DUS4L: variants seen among roughly 807,000 people sequenced by gnomAD.
DUS4L encodes the protein tRNA-dihydrouridine(20a/20b) synthase [NAD(P)+]-like.
Under a neutral mutation model 33.8 loss-of-function variants are expected in DUS4L, and 31 were observed. The ratio of observed to expected loss-of-function variants is 0.92; its 90% CI spans 0.69 to 1.24. DUS4L has a LOEUF of 1.24. Among genes scored for constraint, DUS4L ranks in the 50% most tolerant of loss-of-function variants. The pLI is 0.00. For missense variants in DUS4L, 368 were observed against 388.6 expected (o/e 0.95, Z 0.45); for synonymous variants, 103 against 120.3 (o/e 0.86, Z 0.94).
rs1437848538 is a variant in DUS4L at position 107,577,194 on chromosome 7, A to G, written c.707-119A>G. The G allele has an allele frequency of 2.9e-6, 4 of 1,373,540 alleles. No homozygotes were observed. In the African/African-American group the frequency reaches 5.8e-5, roughly 20 times the overall value. The allele number at this position is 1,373,540 out of a possible 1,614,324, so 85.1% of individuals were successfully genotyped here. A position where few individuals can be genotyped will look rare whatever the true frequency, so the allele number is the denominator to read the frequency against. ...CGGATTAAACATATTAATGCAATAA[A>G]GACATTACAAAACCTTGTGATAATA... is the stretch of plus-strand genomic sequence containing the variant. On this transcript the variant is annotated intron_variant, in intron 7 of 7. Transcript: ENST00000265720.
At chr7:107,571,000 A>T in intron 3 of DUS4L, 145 bp from the exon 4 acceptor site, 1 of 1,043,978 alleles carries the variant, frequency 9.6e-7, no homozygotes, top group African/African-American at 1.6e-5. Flanking sequence ...CAAGGTTTTT[A>T]GTAATACTTA....
At chr7:107,571,547 C>G (rs1805234308) in intron 4 of DUS4L, among the ~76,000 whole-genome samples, 1 of 152,164 alleles carries the variant, frequency 6.6e-6, no homozygotes, top group Admixed American at 6.5e-5. Context: ...TCCAAACTAT[C>G]CTCCAAGGAG....
Position 107,576,060 on chromosome 7 carries a change from T to C in DUS4L, c.480-306T>C, listed in dbSNP as rs575522668. 6.6e-5 allele frequency among the ~76,000 whole-genome samples: 10 copies of C among 152,342 alleles called. No homozygotes were observed. In the South Asian group the frequency reaches 1.4e-3, roughly 22 times the overall value. On this transcript the variant is annotated intron_variant, in intron 6 of 7. Transcript: ENST00000265720. The stretch of plus-strand genomic sequence containing the variant: ...GGGATGGGGGCATGCACAGCAAATA[T>C]TAAGGTTTAAATTCATCTGTGACAG...
rs974819587 is a variant in DUS4L, at chr7:107,578,162, A to T, written c.*602A>T. The T allele has an allele frequency of 2.0e-5, 3 of 152,214 alleles. No homozygotes were observed. Among genetic ancestry groups the T allele is most frequent in the African/African-American group, 7.2e-5 (3 of 41,452 alleles). 9.4% of individuals were successfully genotyped at this position (152,214 alleles called of 1,614,324 possible). ...TCTCCTACCTAAAAAGATAAAATTA[A>T]TTGCAATCTACCATATCTTAAGTAT... On this transcript the variant is annotated 3_prime_UTR_variant, in exon 8 of 8. Transcript: ENST00000265720.
At chr7:107,566,941 A>C (rs1245855594) in intron 2 of DUS4L, 109 bp from the exon 3 acceptor site, 1 of 710,964 alleles carries the variant, frequency 1.4e-6, no homozygotes, top group Admixed American at 3.2e-5. Context: ...AAAATTTCTG[A>C]GCCCACAAGC....
Position 107,571,236 on chromosome 7 carries a change from G to T in DUS4L, c.208G>T (p.Ala70Ser). The change falls in exon 4 of 8, where the codon GCC becomes TCC. Residue 70 changes from alanine to serine, a missense_variant. By Grantham distance (99) the Ala-to-Ser change is moderately conservative (BLOSUM62 1). Transcript: ENST00000265720. ...VAADFVKSIK[A>S]RDSEFTTNQG... ...CGCTGATTTTGTCAAATCTATAAAA[G>T]CCAGAGACAGCGAATTTACCACAAA... The T allele has an allele frequency of 6.2e-7, 1 of 1,610,888 alleles. No homozygotes were observed.
At position 107,577,318 on chromosome 7, in the gene DUS4L, A is replaced by G. The variant is rs1805841584; in HGVS notation, c.712A>G (p.Met238Val). Residue 238 changes from methionine to valine, a missense_variant, in exon 8 of 8, where the codon ATG (methionine) becomes GTG (valine). Physicochemically the swap from Met to Val is conservative, Grantham distance 21 (BLOSUM62 1). Coordinates refer to ENST00000265720, the MANE Select transcript of DUS4L (RefSeq NM_181581.3). ...VWRITGTDGV[M>V]VARGLLANPA... ...TGGTGTGCTTTAATTTGTAGGTGTG[A>G]TGGTTGCAAGAGGACTCTTAGCAAA... 6.2e-7 allele frequency: 1 copy of G among 1,614,040 alleles called. No individual in the cohort carries two copies. Among genetic ancestry groups the G allele is most frequent in the Non-Finnish European group, 8.5e-7 (1 of 1,179,960 alleles).
intron 3 of DUS4L, chr7:107,570,839 C>T: frequency 3.7e-6 from 1 of 267,154 alleles, no homozygotes; most frequent in South Asian, 4.1e-5. Context: ...TCCAGGTGGC[C>T]AGCTTCTTCA....
intron 7 of DUS4L, chr7:107,576,961 T>C (rs1275995535): frequency 3.5e-6 from 1 of 283,840 alleles, no homozygotes; most frequent in Admixed American, 4.8e-5. Flanking sequence ...CCTTAAATTA[T>C]TGGCATGCCA....
intron 4 of DUS4L, among the ~76,000 whole-genome samples, chr7:107,572,340 T>G (rs114319806): frequency 0.014 from 2,162 of 152,324 alleles, 52 homozygotes; most frequent in African/African-American, 0.05. Flanking sequence ...ATCATAATCC[T>G]GTAAATCAGT....
chr7:107,574,407 C>T (rs904375360), intron 5 of DUS4L, among the ~76,000 whole-genome samples: 2 of 140,892 alleles, frequency 1.4e-5, no homozygotes, highest in African/African-American at 5.3e-5. Context: ...GGTGTGGTCT[C>T]GGCTCACCAC....
At chr7:107,567,649 C>T (rs751477260) in intron 3 of DUS4L, 4 of 286,820 alleles carry the variant, frequency 1.4e-5, no homozygotes, top group Admixed American at 4.5e-5. Flanking sequence ...ATAAAATATA[C>T]GTAACATAAA....
chr7:107,567,778 A>G (rs1027553316), intron 3 of DUS4L: 20 of 452,352 alleles, frequency 4.4e-5, no homozygotes, highest in African/African-American at 4.0e-4. Flanking sequence ...TATCACATTA[A>G]ACTGTGACTC....
rs1474221735 is a variant in DUS4L, at chr7:107,577,402, G to A, written c.796G>A (p.Asp266Asn). Residue 266 changes from aspartate to asparagine, a missense_variant, in exon 8 of 8, where the codon GAC becomes AAC. Coordinates refer to ENST00000265720, the MANE Select transcript of DUS4L (RefSeq NM_181581.3). Reference protein sequence around the residue: ...TPLKCIWDWVDIALELGTPYM... With the variant: ...TPLKCIWDWVNIALELGTPYM... ...ACTGAAATGCATCTGGGACTGGGTT[G>A]ACATTGCTCTTGAACTCGGGACTCC... 14 of 1,614,102 alleles carry A rather than the reference G, an allele frequency of 8.7e-6. No homozygotes were observed. The Admixed American group carries it at 1.7e-4, about 19-fold the overall frequency.
At chr7:107,572,949 CTT>C (rs1442610546) in intron 4 of DUS4L, among the ~76,000 whole-genome samples, 1 of 151,844 alleles carries the variant, frequency 6.6e-6, no homozygotes, top group African/African-American at 2.4e-5. Context: ...ATACTAATTT[CTT>C]TGTTTTATTA....
In DUS4L at chr7:107,566,855, C is replaced by T. The variant is rs142148175; in HGVS notation, c.-21-195C>T. ...CACAACTATCTTGGGTAGTTTTCCA[C>T]ATCTATTTATCTTACAAATAGAGGC... On this transcript the variant is annotated intron_variant, in intron 2 of 7. Transcript: ENST00000265720. Among the ~76,000 whole-genome samples the T allele has an allele frequency of 2.0e-5, 3 of 152,006 alleles. No individual in the cohort carries two copies. The East Asian group carries it at 5.8e-4, about 29-fold the overall frequency.
chr7:107,563,996 A>T lies in DUS4L; in HGVS notation c.-324A>T. On this transcript the variant is annotated 5_prime_UTR_variant, in exon 1 of 8. Coordinates refer to ENST00000265720, the MANE Select transcript of DUS4L (RefSeq NM_181581.3). Reference sequence around the variant, plus strand: ...GCCCGCCCACCCAGCCCATGGCTCCAGGCCCACCTGGCGAACTGACTCTCA... The same window carrying T: ...GCCCGCCCACCCAGCCCATGGCTCCTGGCCCACCTGGCGAACTGACTCTCA... 8.0e-7 allele frequency: 1 copy of T among 1,248,322 alleles called. No homozygotes were observed. The highest frequency in any genetic ancestry group is 1.1e-6 in the Non-Finnish European group (1 of 927,742). The allele number at this position is 1,248,322 out of a possible 1,614,324, so 77.3% of individuals were successfully genotyped here.
chr7:107,569,343 A>G (rs1287112000), intron 3 of DUS4L, among the ~76,000 whole-genome samples: 3 of 152,222 alleles, frequency 2.0e-5, no homozygotes, highest in Non-Finnish European at 2.9e-5. Context: ...ATATAGCTCT[A>G]TAATATGTCT....
rs1337862390 is a variant in DUS4L at position 107,567,749 on chromosome 7, TC to T, written c.116+564del. 1.1e-5 allele frequency: 5 copies of T among 452,528 alleles called. No homozygotes were observed. In the East Asian group the frequency reaches 3.5e-4, roughly 32 times the overall value. 28.0% of individuals were successfully genotyped at this position (452,528 alleles called of 1,614,324 possible). A position where few individuals can be genotyped will look rare whatever the true frequency, so the allele number is the denominator to read the frequency against. On this transcript the variant is annotated intron_variant, in intron 3 of 7. Transcript: ENST00000265720. ...CATCTGATCTCTAAAACTCTTTTCA[TC>T]TTAGAAGATGGAAATTCTATCACAT...
Sources: allele counts gnomAD v4.1 joint callset (sites outside exome capture counted in the v4.1 genomes callset), GRCh38; gene constraint gnomAD v4.1.1; transcripts MANE v1.5; gene names NCBI Gene and HGNC (gene_info 2026-07-23, HGNC 2026-07-21).